The following WDR76 variants were observed in gnomAD, a reference collection of about 807,000 sequenced individuals.
WDR76 encodes the protein WD repeat-containing protein 76.
Under a neutral mutation model 70.2 loss-of-function variants are expected in WDR76, and 52 were observed. That is an observed-to-expected ratio of 0.74 (90% CI 0.59 to 0.93). WDR76 has a LOEUF of 0.93. WDR76 is among the 40% of genes least tolerant of loss of function. WDR76 has a pLI of 0.00. For synonymous variants in WDR76, 292 were observed against 271.1 expected (o/e 1.08, Z -0.76); for missense variants, 756 against 760.2 (o/e 0.99, Z 0.07).
chr15:43,849,329 C>T (rs1047305711), intron 8 of WDR76, among the ~76,000 whole-genome samples: 2 of 152,134 alleles, frequency 1.3e-5, no homozygotes, highest in African/African-American at 2.4e-5. Context: ...GATAATGTCT[C>T]TGTAAATACT....
intron 1 of WDR76, 134 bp from the exon 2 acceptor site, chr15:43,827,831 C>T (rs2087535893): frequency 4.1e-6 from 4 of 976,924 alleles, no homozygotes; most frequent in Non-Finnish European, 5.8e-6. Flanking sequence ...AGGCGTGAGC[C>T]ACTGCACCTG....
chr15:43,852,714 T>C (rs2087877210), intron 9 of WDR76, among the ~76,000 whole-genome samples: 2 of 152,104 alleles, frequency 1.3e-5, no homozygotes, highest in South Asian at 4.1e-4. Flanking sequence ...ATCATACAAT[T>C]TGTGGTCTTT....
intron 11 of WDR76, among the ~76,000 whole-genome samples, chr15:43,860,897 G>A (rs775090078): frequency 2.1e-5 from 3 of 142,676 alleles, no homozygotes; most frequent in Non-Finnish European, 3.0e-5. Flanking sequence ...ATTTGTTAGC[G>A]CCTGATCTTA....
At position 43,858,799 on chromosome 15, in the gene WDR76, C is replaced by A; in HGVS notation, c.1538C>A (p.Thr513Asn). Residue 513 changes from threonine to asparagine, a missense_variant, in exon 11 of 13, where the codon ACC becomes AAC. Thr to Asn is a moderately conservative substitution (Grantham distance 65). Coordinates refer to ENST00000263795, the MANE Select transcript of WDR76 (RefSeq NM_024908.4). Reference protein sequence around the residue: ...FSPLTGNRVVTTCADCNLRIF... With the variant: ...FSPLTGNRVVNTCADCNLRIF... The stretch of plus-strand genomic sequence containing the variant: ...CCTCTTACTGGTAACAGAGTGGTGA[C>A]CACATGTGCTGATTGTAATCTGAGG... 1.2e-6 allele frequency: 2 copies of A among 1,614,020 alleles called. No homozygotes were observed. Among genetic ancestry groups the A allele is most frequent in the Non-Finnish European group, 1.7e-6 (2 of 1,179,974 alleles).
chr15:43,842,597 CTTAG>C, intron 6 of WDR76, 27 bp from the exon 7 acceptor site: 2 of 1,604,772 alleles, frequency 1.2e-6, no homozygotes, highest in Non-Finnish European at 1.7e-6. Flanking sequence ...TACATACTAA[CTTAG>C]TTCTTTCATC....
At chr15:43,850,914 CAA>C (rs1169379061) in intron 8 of WDR76, among the ~76,000 whole-genome samples, 171 bp from the exon 9 acceptor site, 2 of 152,088 alleles carry the variant, frequency 1.3e-5, no homozygotes, top group Admixed American at 6.6e-5. Flanking sequence ...AAGTTAATGA[CAA>C]GATAAAGTTT....
At chr15:43,852,464 C>G (rs1043697062) in intron 9 of WDR76, among the ~76,000 whole-genome samples, 4 of 152,238 alleles carry the variant, frequency 2.6e-5, no homozygotes, top group African/African-American at 9.6e-5. Flanking sequence ...CTCCGCCTCC[C>G]AGGTTCAAGT....
chr15:43,831,440 A>G (rs1242975309), intron 2 of WDR76, among the ~76,000 whole-genome samples: 5 of 150,986 alleles, frequency 3.3e-5, no homozygotes, highest in African/African-American at 9.7e-5. Flanking sequence ...AGCCCAGCCA[A>G]GATACTTTTT....
chr15:43,842,537 T>C, intron 6 of WDR76, 21 bp downstream of exon 6: 1 of 1,610,184 alleles, frequency 6.2e-7, no homozygotes, highest in Non-Finnish European at 8.5e-7. Flanking sequence ...GGAAGGCCAA[T>C]AGCCTTTAGA....
chr15:43,854,485 A>G (rs2087904587), intron 9 of WDR76, among the ~76,000 whole-genome samples: 1 of 152,016 alleles, frequency 6.6e-6, no homozygotes, highest in Non-Finnish European at 1.5e-5. Flanking sequence ...CATGAGAATC[A>G]CTTGAACCTG....
chr15:43,828,245 C>T lies in WDR76; in HGVS notation c.341C>T (p.Ser114Leu). ...KAESTLQNSSSAVHTESNKLQ... is the reference protein window; with the variant it reads ...KAESTLQNSSLAVHTESNKLQ... ...GAATCCACGCTGCAAAATTCATCCT[C>T]AGCTGTTCATACTGAAAGTAACAAG... is the stretch of plus-strand genomic sequence containing the variant. Residue 114 changes from serine to leucine, a missense_variant, in exon 2 of 13, where the codon TCA becomes TTA. By Grantham distance (145) the Ser-to-Leu change is moderately radical. Coordinates refer to ENST00000263795, the MANE Select transcript of WDR76 (RefSeq NM_024908.4). The T allele has an allele frequency of 1.2e-6, 2 of 1,614,190 alleles. No homozygotes were observed. Among genetic ancestry groups the T allele is most frequent in the Non-Finnish European group, 1.7e-6 (2 of 1,180,032 alleles).
intron 5 of WDR76, among the ~76,000 whole-genome samples, chr15:43,840,193 C>T (rs757090038): frequency 1.3e-5 from 2 of 151,860 alleles, no homozygotes; most frequent in African/African-American, 2.4e-5. Context: ...ATTTCGAAGT[C>T]GTAAAGACTG....
rs34504509 is a variant in WDR76, at chr15:43,860,910, C to CTTTTT, written c.1563-401_1563-397dup. 1.6e-4 allele frequency among the ~76,000 whole-genome samples: 13 copies of CTTTTT among 79,016 alleles called. 2 individuals are homozygous for CTTTTT. The highest frequency in any genetic ancestry group is 4.8e-4 in the South Asian group (1 of 2,102). 51.8% of individuals were successfully genotyped at this position (79,016 alleles called of 152,430 possible). ...AGATTTGTTAGCGCCTGATCTTACTCTTTTTTTTTTTTTTTTTTTTTTTTT... is the reference window on the plus strand; with the variant it reads ...AGATTTGTTAGCGCCTGATCTTACTCTTTTTTTTTTTTTTTTTTTTTTTTTTTTTT... On this transcript the variant is annotated intron_variant, in intron 11 of 12. Transcript: ENST00000263795.
chr15:43,830,079 C>G (rs2087568111), intron 2 of WDR76, among the ~76,000 whole-genome samples: 1 of 150,206 alleles, frequency 6.7e-6, no homozygotes, highest in Admixed American at 6.7e-5. Context: ...GTTGCCCAAG[C>G]TGGTCTTAAG....
At chr15:43,844,147 C>A in intron 8 of WDR76, 93 bp downstream of exon 8, 1 of 1,187,778 alleles carries the variant, frequency 8.4e-7, no homozygotes, top group South Asian at 2.6e-5. Flanking sequence ...ATAAATGTTG[C>A]GTGAGACTTA....
rs764238552 is a variant in WDR76 at position 43,866,615 on chromosome 15, G to A, written c.*223G>A. On this transcript the variant is annotated 3_prime_UTR_variant, in exon 13 of 13. Transcript: ENST00000263795. ...GAATTTGAGGGGAGGCTGAGGTGCCGTCAGGACTTTTTTTTTTTTTTTTTT... is the reference window on the plus strand; with the variant it reads ...GAATTTGAGGGGAGGCTGAGGTGCCATCAGGACTTTTTTTTTTTTTTTTTT... 101 of 407,564 alleles carry A rather than the reference G, an allele frequency of 2.5e-4. No individual in the cohort carries two copies. Among genetic ancestry groups the A allele is most frequent in the Middle Eastern group, 6.6e-4 (1 of 1,520 alleles). The allele number at this position is 407,564 out of a possible 1,614,324, so 25.2% of individuals were successfully genotyped here.
chr15:43,861,806 A>G (rs1049394597), intron 12 of WDR76, among the ~76,000 whole-genome samples: 25 of 146,654 alleles, frequency 1.7e-4, no homozygotes, highest in Non-Finnish European at 2.7e-4. Context: ...ATACTCTTGC[A>G]TCAACTACTT....
intron 8 of WDR76, among the ~76,000 whole-genome samples, chr15:43,845,593 G>A (rs2087778549): frequency 6.7e-6 from 1 of 150,166 alleles, no homozygotes; most frequent in Non-Finnish European, 1.5e-5. Flanking sequence ...CTCAGTTTAT[G>A]GTATGTTGTT....
intron 2 of WDR76, among the ~76,000 whole-genome samples, chr15:43,832,288 G>T (rs565856652): frequency 6.6e-6 from 1 of 151,932 alleles, no homozygotes; most frequent in African/African-American, 2.4e-5. Flanking sequence ...TCAGCTTCTT[G>T]GGAGGCTAAG....
Sources: allele counts gnomAD v4.1 joint callset (sites outside exome capture counted in the v4.1 genomes callset), GRCh38; gene constraint gnomAD v4.1.1; transcripts MANE v1.5; gene names NCBI Gene and HGNC (gene_info 2026-07-23, HGNC 2026-07-21).